Variants in FIGN observed in about 807,000 individuals in gnomAD.
FIGN encodes the protein fidgetin.
A neutral mutation model predicts 51.3 loss-of-function variants in FIGN; 11 were observed. The observed-to-expected ratio is 0.21, with a 90% CI of 0.13 to 0.35. FIGN has a LOEUF of 0.35. Among genes scored for constraint, FIGN ranks in the 10% least tolerant of loss-of-function variants. The pLI, the probability that FIGN is intolerant of heterozygous loss-of-function variation, is 1.00. For missense variants in FIGN, 857 were observed against 943.6 expected (o/e 0.91, Z 1.20); for synonymous variants, 407 against 363.2 (o/e 1.12, Z -1.37).
At position 163,609,828 on chromosome 2, in the gene FIGN, C is replaced by T. The variant is rs766849563; in HGVS notation, c.2004G>A (p.Gln668=). The change falls in exon 3 of 3, where the codon CAG becomes CAA. Residue 668 remains glutamine (Q), a synonymous_variant. Transcript: ENST00000333129. ...RHQIIVQLLS[Q]HNYCLNDKEF... The stretch of plus-strand genomic sequence containing the variant: ...CCTTGTCATTGAGACAGTAATTGTG[C>T]TGTGAGAGCAGTTGTACTATTATCT... 3 of 1,614,142 alleles carry T rather than the reference C, an allele frequency of 1.9e-6. No individual in the cohort carries two copies. The highest frequency in any genetic ancestry group is 2.5e-6 in the Non-Finnish European group (3 of 1,180,028).
At chr2:163,668,288 G>C (rs964977460) in intron 2 of FIGN, among the ~76,000 whole-genome samples, 1 of 152,116 alleles carries the variant, frequency 6.6e-6, no homozygotes, top group African/African-American at 2.4e-5. Context: ...CAAGCCCTGG[G>C]AGCCCCTATA....
intron 2 of FIGN, among the ~76,000 whole-genome samples, chr2:163,699,677 G>C (rs896353936): frequency 1.3e-5 from 2 of 152,078 alleles, no homozygotes; most frequent in African/African-American, 2.4e-5. Flanking sequence ...GAAACTTAAG[G>C]TTCAATTAAA....
Position 163,608,641 on chromosome 2 carries a change from G to A in FIGN, c.*911C>T, listed in dbSNP as rs1361127859. The A allele has an allele frequency of 6.6e-6, 1 of 152,218 alleles. No individual in the cohort carries two copies. The highest frequency in any genetic ancestry group is 1.5e-5 in the Non-Finnish European group (1 of 68,036). The allele number at this position is 152,218 out of a possible 1,614,324, so 9.4% of individuals were successfully genotyped here. ...GAGCAATGTACTAAGAACTCTTGCAGTTATTGACATAAAGAATTATTCTGC... is the reference window on the plus strand; with the variant it reads ...GAGCAATGTACTAAGAACTCTTGCAATTATTGACATAAAGAATTATTCTGC... On this transcript the variant is annotated 3_prime_UTR_variant, in exon 3 of 3. Coordinates refer to ENST00000333129, the MANE Select transcript of FIGN (RefSeq NM_018086.4).
At chr2:163,619,318 C>T (rs1201399548) in intron 2 of FIGN, among the ~76,000 whole-genome samples, 4 of 152,108 alleles carry the variant, frequency 2.6e-5, no homozygotes, top group Non-Finnish European at 2.9e-5. Context: ...GTAGATGGTA[C>T]GCAGGTAAGC....
chr2:163,672,054 G>T (rs1291880928), intron 2 of FIGN, among the ~76,000 whole-genome samples: 1 of 151,960 alleles, frequency 6.6e-6, no homozygotes, highest in Admixed American at 6.6e-5. Flanking sequence ...TGTCATAAAC[G>T]GCTAACAAAG....
chr2:163,680,691 C>T (rs547092376), intron 2 of FIGN, among the ~76,000 whole-genome samples: 1 of 152,226 alleles, frequency 6.6e-6, no homozygotes, highest in South Asian at 2.1e-4. Context: ...AAACCATCGC[C>T]TCTCTGTGCT....
intron 2 of FIGN, among the ~76,000 whole-genome samples, chr2:163,642,126 T>C (rs1295598969): frequency 6.6e-6 from 1 of 152,216 alleles, no homozygotes; most frequent in Non-Finnish European, 1.5e-5. Flanking sequence ...CTTAGGTCAC[T>C]TGGGAATGGC....
intron 2 of FIGN, among the ~76,000 whole-genome samples, chr2:163,658,656 G>GCAGTT (rs1312684944): frequency 6.6e-6 from 1 of 152,008 alleles, no homozygotes; most frequent in Non-Finnish European, 1.5e-5. Flanking sequence ...TTTTCAACAA[G>GCAGTT]CAGTTCTCAT....
rs900271392 is a variant in FIGN, at chr2:163,611,378, G to A, written c.454C>T (p.Pro152Ser). 9.9e-6 allele frequency: 16 copies of A among 1,614,052 alleles called. No homozygotes were observed. In the Admixed American group the frequency reaches 1.3e-4, roughly 13 times the overall value. The change falls in exon 3 of 3, where the codon CCT becomes TCT. Residue 152 changes from proline to serine, a missense_variant. Transcript: ENST00000333129. ...TCTGTCAGGTTGCTGGCTACCCCAG[G>A]AGAGCTTCCTATACTCGCAGAGACA... ...ADVSASIGSSPGVASNLTEPS... is the reference protein window; with the variant it reads ...ADVSASIGSSSGVASNLTEPS...
intron 2 of FIGN, among the ~76,000 whole-genome samples, chr2:163,652,223 G>T (rs1432403207): frequency 6.6e-6 from 1 of 151,998 alleles, no homozygotes; most frequent in Non-Finnish European, 1.5e-5. Flanking sequence ...CACTGTAAAA[G>T]CTAAATAAAA....
intron 2 of FIGN, among the ~76,000 whole-genome samples, chr2:163,668,813 C>T (rs1009895417): frequency 2.6e-5 from 4 of 151,600 alleles, no homozygotes; most frequent in East Asian, 2.0e-4. Context: ...TGGTGGCGGG[C>T]GCCTGTAGTC....
chr2:163,630,124 C>T (rs1453678274), intron 2 of FIGN, among the ~76,000 whole-genome samples: 2 of 151,576 alleles, frequency 1.3e-5, no homozygotes, highest in East Asian at 1.9e-4. Flanking sequence ...GCTACCCATG[C>T]CTAGCAAACT....
At chr2:163,612,996 G>A (rs967851264) in intron 2 of FIGN, among the ~76,000 whole-genome samples, 20 of 151,970 alleles carry the variant, frequency 1.3e-4, no homozygotes, top group Non-Finnish European at 8.8e-5. Flanking sequence ...ACTACAAAAT[G>A]AGCATTTTCT....
chr2:163,655,623 A>T (rs1391630791), intron 2 of FIGN, among the ~76,000 whole-genome samples: 2 of 152,182 alleles, frequency 1.3e-5, no homozygotes, highest in Non-Finnish European at 2.9e-5. Context: ...CATACATCAT[A>T]TTGGAAAATC....
At chr2:163,649,719 G>C (rs189689345) in intron 2 of FIGN, among the ~76,000 whole-genome samples, 1 of 152,124 alleles carries the variant, frequency 6.6e-6, no homozygotes, top group Non-Finnish European at 1.5e-5. Context: ...CCAAGTTTTG[G>C]GGTATTTTGT....
chr2:163,631,260 T>G (rs926761304), intron 2 of FIGN, among the ~76,000 whole-genome samples: 18 of 152,238 alleles, frequency 1.2e-4, no homozygotes, highest in African/African-American at 4.1e-4. Flanking sequence ...TTCGTATCTA[T>G]GCCTACTATA....
chr2:163,732,515 G>A (rs1205648517), intron 2 of FIGN, among the ~76,000 whole-genome samples: 2 of 152,186 alleles, frequency 1.3e-5, no homozygotes, highest in South Asian at 4.2e-4. Flanking sequence ...AACAATCTGT[G>A]TTCAAAACGT....
intron 2 of FIGN, among the ~76,000 whole-genome samples, chr2:163,658,691 C>T (rs762685989): frequency 6.6e-6 from 1 of 152,240 alleles, no homozygotes; most frequent in South Asian, 2.1e-4. Context: ...AGCACTCACT[C>T]TCTCCGGCAA....
intron 2 of FIGN, among the ~76,000 whole-genome samples, chr2:163,669,162 C>T (rs971598969): frequency 1.3e-5 from 2 of 151,878 alleles, no homozygotes; most frequent in African/African-American, 4.8e-5. Flanking sequence ...ATATGGAGTG[C>T]ATTTCTTAAA....
Sources: allele counts gnomAD v4.1 joint callset (sites outside exome capture counted in the v4.1 genomes callset), GRCh38; gene constraint gnomAD v4.1.1; transcripts MANE v1.5; gene names NCBI Gene and HGNC (gene_info 2026-07-23, HGNC 2026-07-21).